HTR3B: variants seen among roughly 807,000 people sequenced by gnomAD.
The protein encoded by HTR3B is 5-hydroxytryptamine (serotonin) receptor 3B, ionotropic.
Under a neutral mutation model 42.8 loss-of-function variants are expected in HTR3B, and 44 were observed. The ratio of observed to expected loss-of-function variants is 1.03; its 90% CI spans 0.81 to 1.32. The LOEUF (loss-of-function observed/expected upper bound fraction) is 1.32. Ranked by LOEUF, HTR3B falls within the 40% of genes most tolerant of loss-of-function variation. The pLI is 0.00. For missense variants in HTR3B, 527 were observed against 536.5 expected, an observed-to-expected ratio of 0.98 and a Z score of 0.17; for synonymous variants, 203 against 209.0, an observed-to-expected ratio of 0.97 and a Z score of 0.25.
intron 2 of HTR3B, among the ~76,000 whole-genome samples, chr11:113,911,265 C>T (rs1461556431): frequency 1.3e-5 from 2 of 152,186 alleles, no homozygotes; most frequent in African/African-American, 4.8e-5. Flanking sequence ...GAGTCTGGCT[C>T]TGTCACCCAG....
chr11:113,907,748 C>T (rs1275641196), intron 1 of HTR3B, among the ~76,000 whole-genome samples: 1 of 152,182 alleles, frequency 6.6e-6, no homozygotes, highest in Non-Finnish European at 1.5e-5. Context: ...TGTTTTAATG[C>T]TGTCTCGGGT....
chr11:113,927,186 C>G (rs1460014817), intron 2 of HTR3B, among the ~76,000 whole-genome samples: 1 of 152,176 alleles, frequency 6.6e-6, no homozygotes, highest in African/African-American at 2.4e-5. Context: ...TAAGTACATT[C>G]ACATTCTTGT....
At position 113,931,817 on chromosome 11, in the gene HTR3B, C is replaced by A; in HGVS notation, c.318C>A (p.Ile106=). The A allele has an allele frequency of 6.2e-7, 1 of 1,611,940 alleles. No homozygotes were observed. The highest frequency in any genetic ancestry group is 8.5e-7 in the Non-Finnish European group (1 of 1,177,940). Residue 106 remains isoleucine, a synonymous_variant, in exon 4 of 9, where the codon ATC becomes ATA. Coordinates refer to ENST00000260191, the MANE Select transcript of HTR3B (RefSeq NM_006028.5). ...GCATGTTTGATGAGATTAGAGAGAT[C>A]TCCCTACCTCTAAGTGCCATCTGGG... ...NSSMFDEIRE[I]SLPLSAIWAP...
intron 2 of HTR3B, among the ~76,000 whole-genome samples, chr11:113,912,954 CT>C (rs1166827578): frequency 4.0e-5 from 6 of 149,530 alleles, no homozygotes; most frequent in Non-Finnish European, 7.4e-5. Flanking sequence ...TGGGCACAGT[CT>C]TTTTTTAGAT....
intron 8 of HTR3B, among the ~76,000 whole-genome samples, 195 bp downstream of exon 8, chr11:113,944,950 C>T (rs966541470): frequency 6.6e-6 from 1 of 152,090 alleles, no homozygotes; most frequent in Admixed American, 6.5e-5. Flanking sequence ...TAGAAAGTCT[C>T]ATTTTGTTGT....
rs530061138 is a variant in HTR3B, at chr11:113,914,465, A to C, written c.213+5010A>C. Among the ~76,000 whole-genome samples, 9 of 135,362 alleles carry C rather than the reference A, an allele frequency of 6.6e-5. No individual in the cohort carries two copies. The East Asian group carries it at 1.4e-3, about 21-fold the overall frequency. The allele number at this position is 135,362 out of a possible 152,430, so 88.8% of individuals were successfully genotyped here. On this transcript the variant is annotated intron_variant, in intron 2 of 8. Transcript: ENST00000260191. ...GGCAACAAGAGCGATACTCCAACTC[A>C]AAAAAAAAAAATTAAATTAAATTAA...
intron 2 of HTR3B, among the ~76,000 whole-genome samples, chr11:113,924,624 CAAAAAAA>C (rs34212177): frequency 1.9e-5 from 1 of 52,230 alleles, no homozygotes; most frequent in Non-Finnish European, 3.2e-5. Context: ...GACCTTGTCT[CAAAAAAA>C]AAAAAAAAAA....
chr11:113,929,576 A>ATATGAACACC (rs937029195), intron 2 of HTR3B, among the ~76,000 whole-genome samples: 14 of 152,124 alleles, frequency 9.2e-5, no homozygotes, highest in Non-Finnish European at 1.9e-4. Flanking sequence ...CTGTCTCCAA[A>ATATGAACACC]TATGAACACC....
At chr11:113,928,552 T>C (rs1271828609) in intron 2 of HTR3B, among the ~76,000 whole-genome samples, 1 of 152,192 alleles carries the variant, frequency 6.6e-6, no homozygotes, top group Admixed American at 6.5e-5. Flanking sequence ...CCTTCCTTTT[T>C]TTTGAGACGG....
intron 2 of HTR3B, among the ~76,000 whole-genome samples, chr11:113,922,629 C>T (rs1173767819): frequency 6.6e-6 from 1 of 152,142 alleles, no homozygotes; most frequent in Non-Finnish European, 1.5e-5. Flanking sequence ...GATCTCGGCT[C>T]ACTACAAGCT....
At chr11:113,918,370 C>T (rs1017689316) in intron 2 of HTR3B, among the ~76,000 whole-genome samples, 1 of 151,836 alleles carries the variant, frequency 6.6e-6, no homozygotes, top group Non-Finnish European at 1.5e-5. Context: ...ATTGTATCAA[C>T]ACCACAGGGC....
intron 6 of HTR3B, among the ~76,000 whole-genome samples, chr11:113,938,307 C>T (rs557450304): frequency 1.6e-3 from 242 of 152,298 alleles, no homozygotes; most frequent in African/African-American, 5.6e-3. Context: ...ATCCCAACAT[C>T]CCCCAAAGTT....
At chr11:113,923,614 A>G (rs1949937285) in intron 2 of HTR3B, among the ~76,000 whole-genome samples, 2 of 152,206 alleles carry the variant, frequency 1.3e-5, no homozygotes, top group Non-Finnish European at 2.9e-5. Flanking sequence ...ACCAATTTAG[A>G]TCTAAATAGA....
Position 113,909,275 on chromosome 11 carries a change from A to G in HTR3B, c.53-20A>G. The G allele has an allele frequency of 1.2e-6, 2 of 1,603,646 alleles. No individual in the cohort carries two copies. Among genetic ancestry groups the G allele is most frequent in the Non-Finnish European group, 1.7e-6 (2 of 1,170,666 alleles). On this transcript the variant is annotated intron_variant, in intron 1 of 8. Coordinates refer to ENST00000260191, the MANE Select transcript of HTR3B (RefSeq NM_006028.5). ...AAGCTCCTCTTACTTTTATCTTCAC[A>G]ATGATAGTTTATTTTCCAGGAATTC... is the stretch of plus-strand genomic sequence containing the variant.
chr11:113,936,391 C>A (rs758178824), intron 6 of HTR3B, among the ~76,000 whole-genome samples: 2 of 152,040 alleles, frequency 1.3e-5, no homozygotes, highest in Non-Finnish European at 2.9e-5. Flanking sequence ...AAATGCAAAG[C>A]GGGCATTTGG....
upstream of HTR3B, among the ~76,000 whole-genome samples, chr11:113,904,283 G>T (rs1449639370): frequency 6.6e-6 from 1 of 152,158 alleles, no homozygotes; most frequent in Admixed American, 6.5e-5. Flanking sequence ...TCTGAATTGT[G>T]AGCAGTGAAA....
rs1950044737 is a variant in HTR3B, at chr11:113,932,380, G to A, written c.460G>A (p.Ala154Thr). The A allele has an allele frequency of 6.2e-7, 1 of 1,613,604 alleles. No individual in the cohort carries two copies. Among genetic ancestry groups the A allele is most frequent in the African/African-American group, 1.3e-5 (1 of 74,888 alleles). ...CTATAAGCCCATCCAGGTGGTCTCTGCGTGCAGTTTAGAGACATATGCTTT... is the reference window on the plus strand; with the variant it reads ...CTATAAGCCCATCCAGGTGGTCTCTACGTGCAGTTTAGAGACATATGCTTT... Reference protein sequence around the residue: ...ENYKPIQVVSACSLETYAFPF... With the variant: ...ENYKPIQVVSTCSLETYAFPF... The change falls in exon 5 of 9, where the codon GCG (alanine) becomes ACG (threonine). Residue 154 changes from alanine to threonine, a missense_variant. Transcript: ENST00000260191.
intron 2 of HTR3B, among the ~76,000 whole-genome samples, chr11:113,910,590 G>A (rs1565556157): frequency 6.6e-6 from 1 of 151,756 alleles, no homozygotes; most frequent in Non-Finnish European, 1.5e-5. Flanking sequence ...ACAGGCATGC[G>A]CCACCACGCC....
rs1173682750 is a variant in HTR3B at position 113,904,799 on chromosome 11, AC to A, written c.-133del. The A allele has an allele frequency of 1.9e-5, 13 of 690,014 alleles. No homozygotes were observed. The African/African-American group carries it at 2.1e-4, about 11-fold the overall frequency. 42.7% of individuals were successfully genotyped at this position (690,014 alleles called of 1,614,324 possible). On this transcript the variant is annotated 5_prime_UTR_variant, in exon 1 of 9. Transcript: ENST00000260191. ...TCCCACTGAGTGTTTACAAAATAGC[AC>A]CAGTAAGGATAGCATCAACTGGCAA...
Sources: allele counts gnomAD v4.1 joint callset (sites outside exome capture counted in the v4.1 genomes callset), GRCh38; gene constraint gnomAD v4.1.1; transcripts MANE v1.5; gene names NCBI Gene and HGNC (gene_info 2026-07-23, HGNC 2026-07-21).